PGPEP1L: variants seen among roughly 807,000 people sequenced by gnomAD.
PGPEP1L encodes the protein pyroglutamyl-peptidase I like, also known as pyroglutamyl-peptidase 1-like protein.
Under a neutral mutation model 6.0 loss-of-function variants are expected in PGPEP1L, and 7 were observed. The ratio of observed to expected loss-of-function variants is 1.17; its 90% CI spans 0.66 to 2.19. The LOEUF (loss-of-function observed/expected upper bound fraction) is 2.19. PGPEP1L is among the 30% of genes most tolerant of loss of function. The probability of loss-of-function intolerance (pLI) is 0.00; values close to 1 mark genes in which losing one functional copy is unlikely to be tolerated. For missense variants in PGPEP1L, 209 were observed against 192.5 expected (o/e 1.09, Z -0.51); for synonymous variants, 103 against 83.9 (o/e 1.23, Z -1.24).
At chr15:98,991,458 A>G (rs1320749284) in intron 2 of PGPEP1L, among the ~76,000 whole-genome samples, 3 of 152,204 alleles carry the variant, frequency 2.0e-5, no homozygotes, top group African/African-American at 7.2e-5. Flanking sequence ...AAATTGAGGC[A>G]CTAATTGATA....
intron 2 of PGPEP1L, among the ~76,000 whole-genome samples, chr15:99,000,160 C>G (rs539008834): frequency 6.6e-6 from 1 of 152,368 alleles, no homozygotes; most frequent in East Asian, 1.9e-4. Context: ...GCCAGCCCCG[C>G]CGGCCCCAGG....
At position 98,969,535 on chromosome 15, in the gene PGPEP1L, C is replaced by T. The variant is rs572947532; in HGVS notation, c.99G>A (p.Val33=). The change falls in exon 4 of 5, where the codon GTG becomes GTA. Residue 33 remains valine, a synonymous_variant. Coordinates refer to ENST00000535714, the MANE Select transcript of PGPEP1L (RefSeq NM_001167902.2). The stretch of plus-strand genomic sequence containing the variant: ...GCACGTCTGGGCTGCCAGGTAGGCA[C>T]ACGCCGCCCTCGGGCCAGAAGCTGC... ...DIRSFWPEGG[V]CLPGSPDVLE... The T allele has an allele frequency of 2.7e-4, 443 of 1,614,040 alleles. 3 individuals are homozygous for T. In the South Asian group the frequency reaches 4.6e-3, roughly 17 times the overall value.
At chr15:98,988,461 G>A (rs1474950370) in intron 2 of PGPEP1L, among the ~76,000 whole-genome samples, 1 of 152,156 alleles carries the variant, frequency 6.6e-6, no homozygotes, top group African/African-American at 2.4e-5. Context: ...TCTGGGAAGG[G>A]CATCTCTGAA....
At chr15:98,996,446 A>T (rs1474015688) in intron 2 of PGPEP1L, among the ~76,000 whole-genome samples, 2 of 151,890 alleles carry the variant, frequency 1.3e-5, no homozygotes, top group Non-Finnish European at 2.9e-5. Context: ...CTAACCACTC[A>T]CTCACCTCAG....
chr15:98,989,035 G>A (rs1555471778), intron 2 of PGPEP1L, among the ~76,000 whole-genome samples: 2 of 152,196 alleles, frequency 1.3e-5, no homozygotes, highest in Non-Finnish European at 2.9e-5. Flanking sequence ...AGAAATCAGT[G>A]CAAAAAGGCT....
At position 99,003,932 on chromosome 15, in the gene PGPEP1L, T is replaced by C. The variant is rs545972858; in HGVS notation, c.-142+1497A>G. ...ATCTCCAGAACCAAAATAACACAAATAAGAGCAAGGGAGATAAAAGGTTTC... is the reference window on the plus strand; with the variant it reads ...ATCTCCAGAACCAAAATAACACAAACAAGAGCAAGGGAGATAAAAGGTTTC... On this transcript the variant is annotated intron_variant, in intron 2 of 4. Coordinates refer to ENST00000535714, the MANE Select transcript of PGPEP1L (RefSeq NM_001167902.2). 2.0e-4 allele frequency among the ~76,000 whole-genome samples: 29 copies of C among 148,170 alleles called. No homozygotes were observed. In the South Asian group the frequency reaches 6.2e-3, roughly 32 times the overall value.
At chr15:98,987,964 C>A (rs530651480) in intron 2 of PGPEP1L, among the ~76,000 whole-genome samples, 1 of 152,190 alleles carries the variant, frequency 6.6e-6, no homozygotes, top group African/African-American at 2.4e-5. Flanking sequence ...CCAGATACTG[C>A]GCTTTTCCTA....
chr15:98,988,249 T>C (rs1237412338), intron 2 of PGPEP1L, among the ~76,000 whole-genome samples: 1 of 152,054 alleles, frequency 6.6e-6, no homozygotes, highest in Admixed American at 6.6e-5. Flanking sequence ...GGCTTGAAAT[T>C]CTCACTGCAG....
intron 2 of PGPEP1L, among the ~76,000 whole-genome samples, chr15:98,978,236 T>C (rs2017597573): frequency 6.6e-6 from 1 of 152,182 alleles, no homozygotes; most frequent in African/African-American, 2.4e-5. Flanking sequence ...GAGAAGGCGC[T>C]GTGTGTGAGC....
intron 2 of PGPEP1L, among the ~76,000 whole-genome samples, chr15:99,003,390 G>A (rs1381138505): frequency 6.6e-6 from 1 of 151,080 alleles, no homozygotes; most frequent in African/African-American, 2.5e-5. Context: ...AAGCTCTTGT[G>A]TTTCAAGTTC....
chr15:98,973,423 G>C (rs1410325006), intron 2 of PGPEP1L, among the ~76,000 whole-genome samples: 1 of 152,180 alleles, frequency 6.6e-6, no homozygotes, highest in African/African-American at 2.4e-5. Context: ...TTTCTCAACA[G>C]CACATGGATC....
chr15:98,978,708 A>G (rs61230453), intron 2 of PGPEP1L, among the ~76,000 whole-genome samples: 296 of 59,300 alleles, frequency 5.0e-3, no homozygotes, highest in African/African-American at 0.012. Flanking sequence ...TAGACTGTGT[A>G]TATATATATA....
chr15:98,984,472 A>T (rs2593045), intron 2 of PGPEP1L, among the ~76,000 whole-genome samples: 50,066 of 151,956 alleles, frequency 0.33, 9,184 homozygotes, highest in Non-Finnish European at 0.42. Flanking sequence ...GTTACACAGG[A>T]CCCTAGAGAC....
chr15:98,999,742 G>A (rs1263505422), intron 2 of PGPEP1L, among the ~76,000 whole-genome samples: 1 of 152,208 alleles, frequency 6.6e-6, no homozygotes, highest in Non-Finnish European at 1.5e-5. Context: ...ACTCAGCAGT[G>A]GAAGAGAGAA....
At chr15:99,003,092 A>C (rs1239547205) in intron 2 of PGPEP1L, among the ~76,000 whole-genome samples, 2 of 152,122 alleles carry the variant, frequency 1.3e-5, no homozygotes, top group African/African-American at 4.8e-5. Flanking sequence ...AACGTCCCAA[A>C]AAGCCCATGG....
chr15:98,997,783 T>C (rs1051461429), intron 2 of PGPEP1L, among the ~76,000 whole-genome samples: 3 of 151,926 alleles, frequency 2.0e-5, no homozygotes, highest in African/African-American at 4.8e-5. Flanking sequence ...GAAATGACTT[T>C]CCCCCGGGCC....
intron 4 of PGPEP1L, among the ~76,000 whole-genome samples, chr15:98,969,147 A>G (rs529251957): frequency 4.9e-4 from 75 of 152,316 alleles, no homozygotes; most frequent in South Asian, 8.3e-4. Flanking sequence ...ACATTCACGA[A>G]ATGTTAGTGG....
chr15:98,982,686 A>G (rs917134866), intron 2 of PGPEP1L, among the ~76,000 whole-genome samples: 12 of 80,370 alleles, frequency 1.5e-4, no homozygotes, highest in African/African-American at 4.4e-4. Flanking sequence ...CACTCTGGTT[A>G]TTTTTATCTG....
chr15:99,004,625 G>A (rs1162803218), intron 2 of PGPEP1L, among the ~76,000 whole-genome samples: 1 of 152,180 alleles, frequency 6.6e-6, no homozygotes, highest in African/African-American at 2.4e-5. Flanking sequence ...GGCTGAGGCA[G>A]GAGAATCGCT....
Sources: allele counts gnomAD v4.1 joint callset (sites outside exome capture counted in the v4.1 genomes callset), GRCh38; gene constraint gnomAD v4.1.1; transcripts MANE v1.5; gene names NCBI Gene and HGNC (gene_info 2026-07-23, HGNC 2026-07-21).